TSHZ1: variants seen among roughly 807,000 people sequenced by gnomAD.
TSHZ1 encodes the protein teashirt homolog 1.
Under a neutral mutation model 67.1 loss-of-function variants are expected in TSHZ1, and 12 were observed. That is an observed-to-expected ratio of 0.18 (90% confidence interval 0.11 to 0.29). The LOEUF is 0.29. Among genes scored for constraint, TSHZ1 ranks in the 10% least tolerant of loss-of-function variants. TSHZ1 has a pLI of 1.00. For synonymous variants in TSHZ1, 632 were observed against 622.4 expected (o/e 1.02, Z -0.23); for missense variants, 1,305 against 1,413.9 (o/e 0.92, Z 1.23).
At position 75,288,215 on chromosome 18, in the gene TSHZ1, C is replaced by T. The variant is rs551591959; in HGVS notation, c.2808C>T (p.Ser936=). ...ACATCTCGAAGTTTACTGGGCTCTCCATGACCACCATCAGCCACTGGCTGG... is the reference window on the plus strand; with the variant it reads ...ACATCTCGAAGTTTACTGGGCTCTCTATGACCACCATCAGCCACTGGCTGG... The part of the protein sequence containing the change: ...RVHISKFTGL[S]MTTISHWLAN... Residue 936 remains serine, a synonymous_variant, in exon 2 of 2, where the codon TCC becomes TCT. Coordinates refer to ENST00000580243, the MANE Select transcript of TSHZ1 (RefSeq NM_001308210.2). This position sits in a 1 kb window ranked among gnomAD's most constrained non-coding sequence, Gnocchi z 4.9. 6.8e-6 allele frequency: 11 copies of T among 1,614,220 alleles called. No individual in the cohort carries two copies. In the South Asian group the frequency reaches 1.1e-4, roughly 16 times the overall value.
In TSHZ1 at chr18:75,288,482, A is replaced by G; in HGVS notation, c.3075A>G (p.Pro1025=). Residue 1025 remains proline (P), a synonymous_variant, in exon 2 of 2, where the codon CCA becomes CCG. Transcript: ENST00000580243. This position sits in a 1 kb window ranked among gnomAD's most constrained non-coding sequence, Gnocchi z 4.9. ...SKVLTNKTLG[P]LGATEEDLGS... Reference sequence around the variant, plus strand: ...TCCTCACCAACAAAACTCTGGGCCCACTGGGGGCCACCGAGGAAGACTTGG... The same window carrying G: ...TCCTCACCAACAAAACTCTGGGCCCGCTGGGGGCCACCGAGGAAGACTTGG... 3.1e-6 allele frequency: 5 copies of G among 1,614,194 alleles called. No individual in the cohort carries two copies. Among genetic ancestry groups the G allele is most frequent in the African/African-American group, 1.3e-5 (1 of 75,056 alleles).
At position 75,285,834 on chromosome 18, in the gene TSHZ1, A is replaced by T; in HGVS notation, c.427A>T (p.Thr143Ser). 6.2e-7 allele frequency: 1 copy of T among 1,613,796 alleles called. No individual in the cohort carries two copies. The highest frequency in any genetic ancestry group is 8.5e-7 in the Non-Finnish European group (1 of 1,179,978). ...GGATTTAAAGAAGTCGGGTTCCACC[A>T]CCAGCACCAACGATGCCAGCCAGAA... ...ALDLKKSGST[T>S]STNDASQKES... The change falls in exon 2 of 2, where the codon ACC (threonine) becomes TCC (serine). Residue 143 changes from threonine (T) to serine (S), a missense_variant. By Grantham distance (58) the Thr-to-Ser change is moderately conservative. Coordinates refer to ENST00000580243, the MANE Select transcript of TSHZ1 (RefSeq NM_001308210.2).
chr18:75,272,857 C>G (rs1418728208), intron 1 of TSHZ1, among the ~76,000 whole-genome samples: 3 of 152,156 alleles, frequency 2.0e-5, no homozygotes, highest in East Asian at 3.9e-4. Context: ...TATTTACTAT[C>G]CAGATGAGTT....
intron 1 of TSHZ1, among the ~76,000 whole-genome samples, chr18:75,232,672 G>A (rs550251658): frequency 2.0e-5 from 3 of 152,348 alleles, no homozygotes; most frequent in South Asian, 2.1e-4. Context: ...AGGAAGTGGA[G>A]TGTGCCCCCA....
At chr18:75,265,335 G>T (rs1166991309) in intron 1 of TSHZ1, among the ~76,000 whole-genome samples, 1 of 152,068 alleles carries the variant, frequency 6.6e-6, no homozygotes, top group Non-Finnish European at 1.5e-5. Context: ...TGTCATATTT[G>T]ATTTGGGCTG....
At chr18:75,274,574 A>G (rs2023595184) in intron 1 of TSHZ1, among the ~76,000 whole-genome samples, 1 of 152,224 alleles carries the variant, frequency 6.6e-6, no homozygotes, top group Non-Finnish European at 1.5e-5. Context: ...ATAAGAACTA[A>G]AGATTGTTAG....
intron 1 of TSHZ1, among the ~76,000 whole-genome samples, chr18:75,235,681 G>T (rs967457435): frequency 5.3e-5 from 8 of 152,162 alleles, no homozygotes; most frequent in Non-Finnish European, 1.0e-4. Flanking sequence ...AACTTCATAT[G>T]AAATATTTTA....
In TSHZ1 at chr18:75,286,226, C is replaced by T. The variant is rs367739596; in HGVS notation, c.819C>T (p.Asp273=). The change falls in exon 2 of 2, where the codon GAC becomes GAT. Residue 273 remains aspartate (D), a synonymous_variant. Coordinates refer to ENST00000580243, the MANE Select transcript of TSHZ1 (RefSeq NM_001308210.2). The surrounding 1 kb of genome is among the most constrained non-coding windows in gnomAD (Gnocchi z 5.1). ...TGAACGAGACAGGCCACTACCGTGA[C>T]GACAACAGGGACAAGGACTCCGAGA... ...VHMNETGHYR[D]DNRDKDSEKT... is the part of the protein sequence containing the mutation. 1.5e-5 allele frequency: 25 copies of T among 1,613,854 alleles called. No homozygotes were observed. Among genetic ancestry groups the T allele is most frequent in the Middle Eastern group, 1.6e-4 (1 of 6,084 alleles).
intron 1 of TSHZ1, among the ~76,000 whole-genome samples, chr18:75,213,294 G>A (rs903972600): frequency 6.6e-6 from 1 of 152,162 alleles, no homozygotes; most frequent in Non-Finnish European, 1.5e-5. Flanking sequence ...CAACATAAAA[G>A]GAACAGAATG....
rs1313500115 is a variant in TSHZ1, at chr18:75,281,068, C to T, written c.41-4380C>T. On this transcript the variant is annotated intron_variant, in intron 1 of 1. Coordinates refer to ENST00000580243, the MANE Select transcript of TSHZ1 (RefSeq NM_001308210.2). This position sits in a 1 kb window ranked among gnomAD's most constrained non-coding sequence, Gnocchi z 5.3. Reference sequence around the variant, plus strand: ...GGCGGGGCAGCGGTGAGGGTCCAGACGCCCTGCCTGGGACACGCAGCTTCA... The same window carrying T: ...GGCGGGGCAGCGGTGAGGGTCCAGATGCCCTGCCTGGGACACGCAGCTTCA... Among the ~76,000 whole-genome samples the T allele has an allele frequency of 6.6e-6, 1 of 152,284 alleles. No homozygotes were observed. The highest frequency in any genetic ancestry group is 1.5e-5 in the Non-Finnish European group (1 of 68,022).
chr18:75,240,913 A>G (rs1207319626), intron 1 of TSHZ1, among the ~76,000 whole-genome samples: 1 of 152,214 alleles, frequency 6.6e-6, no homozygotes, highest in Non-Finnish European at 1.5e-5. Flanking sequence ...TGCATTCAGA[A>G]CAGTGGCTCA....
chr18:75,263,728 T>G (rs879465931), intron 1 of TSHZ1, among the ~76,000 whole-genome samples: 1 of 152,208 alleles, frequency 6.6e-6, no homozygotes, highest in Non-Finnish European at 1.5e-5. Flanking sequence ...CTTGAGCTGA[T>G]TTACATATGG....
chr18:75,275,630 C>T lies in TSHZ1; in HGVS notation c.41-9818C>T, dbSNP rs374356922. ...TTTCGTTTCAGGGGGTCAGATAGTACCAAGTTGGAACCTGGTGTTGGCTAA... is the reference window on the plus strand; with the variant it reads ...TTTCGTTTCAGGGGGTCAGATAGTATCAAGTTGGAACCTGGTGTTGGCTAA... On this transcript the variant is annotated intron_variant, in intron 1 of 1. Coordinates refer to ENST00000580243, the MANE Select transcript of TSHZ1 (RefSeq NM_001308210.2). Among the ~76,000 whole-genome samples, 374 of 152,248 alleles carry T rather than the reference C, an allele frequency of 2.5e-3. 1 individual carries two copies. The highest frequency in any genetic ancestry group is 4.6e-3 in the Non-Finnish European group (314 of 68,032).
At chr18:75,246,431 TGTG>T (rs2023224357) in intron 1 of TSHZ1, among the ~76,000 whole-genome samples, 1 of 150,786 alleles carries the variant, frequency 6.6e-6, no homozygotes, top group Non-Finnish European at 1.5e-5. Context: ...TGTGTGTGTG[TGTG>T]TGTGTGTGTG....
intron 1 of TSHZ1, among the ~76,000 whole-genome samples, chr18:75,221,782 T>C (rs1246967993): frequency 6.6e-6 from 1 of 152,198 alleles, no homozygotes; most frequent in Non-Finnish European, 1.5e-5. Context: ...CCTTGCTTTA[T>C]TGTTACCTGG....
intron 1 of TSHZ1, among the ~76,000 whole-genome samples, chr18:75,236,751 C>T (rs2023076694): frequency 6.6e-6 from 1 of 152,150 alleles, no homozygotes; most frequent in Non-Finnish European, 1.5e-5. Flanking sequence ...TGACACACTC[C>T]ACTTGCATTA....
At chr18:75,279,492 G>A (rs2023658697) in intron 1 of TSHZ1, among the ~76,000 whole-genome samples, 1 of 152,184 alleles carries the variant, frequency 6.6e-6, no homozygotes, top group Non-Finnish European at 1.5e-5. Flanking sequence ...CCTCCTGTTT[G>A]TCAGACACTG....
chr18:75,270,261 A>G (rs2023541683), intron 1 of TSHZ1, among the ~76,000 whole-genome samples: 1 of 152,148 alleles, frequency 6.6e-6, no homozygotes. Context: ...GTTTCCTCAT[A>G]TGGGAATAGA....
intron 1 of TSHZ1, among the ~76,000 whole-genome samples, chr18:75,214,928 T>C (rs1191419585): frequency 6.6e-6 from 1 of 152,172 alleles, no homozygotes; most frequent in Non-Finnish European, 1.5e-5. Flanking sequence ...ATCACGTTGA[T>C]ATTATACAGT....
Sources: gnomAD v4.1 joint callset for allele counts (sites outside exome capture counted in the v4.1 genomes callset) on GRCh38, gnomAD v4.1.1 for gene constraint, Gnocchi (gnomAD v3.1) non-coding constraint, MANE v1.5 for transcripts, NCBI Gene and HGNC (gene_info 2026-07-23, HGNC 2026-07-21) for gene names.